CAGE1: variants seen among roughly 807,000 people sequenced by gnomAD.
The protein encoded by CAGE1 is cancer antigen 1, also known as cancer-associated gene 1 protein.
CAGE1 carries 66 observed loss-of-function variants against 94.9 expected under a neutral mutation model. That is an observed-to-expected ratio of 0.70 (90% confidence interval 0.57 to 0.85). The LOEUF (loss-of-function observed/expected upper bound fraction) is 0.85. CAGE1 is among the 40% of genes least tolerant of loss of function. The probability of loss-of-function intolerance (pLI) is 0.00; values close to 1 mark genes in which losing one functional copy is unlikely to be tolerated. For missense variants in CAGE1, 865 were observed against 950.4 expected, an observed-to-expected ratio of 0.91 and a Z score of 1.18; for synonymous variants, 319 against 321.0, an observed-to-expected ratio of 0.99 and a Z score of 0.07.
intron 9 of CAGE1, among the ~76,000 whole-genome samples, chr6:7,358,400 T>C (rs933981932): frequency 1.3e-5 from 2 of 152,150 alleles, no homozygotes; most frequent in Non-Finnish European, 2.9e-5. Context: ...AGTATTTTCA[T>C]TGAATGAATA....
chr6:7,375,465 A>G (rs1760706688), intron 4 of CAGE1, among the ~76,000 whole-genome samples: 2 of 152,162 alleles, frequency 1.3e-5, no homozygotes, highest in South Asian at 4.1e-4. Context: ...GGCCAGGCAC[A>G]GTGGCTCATA....
chr6:7,377,870 G>C (rs1054414279), intron 4 of CAGE1, among the ~76,000 whole-genome samples: 4 of 151,832 alleles, frequency 2.6e-5, no homozygotes, highest in African/African-American at 9.7e-5. Flanking sequence ...ATATACTGTC[G>C]GTATCTTCAG....
At chr6:7,358,052 A>T (rs1478447310) in intron 9 of CAGE1, among the ~76,000 whole-genome samples, 10 of 121,932 alleles carry the variant, frequency 8.2e-5, no homozygotes, top group African/African-American at 3.3e-4. Context: ...ATATATATAT[A>T]TATATATATA....
At chr6:7,345,507 A>C (rs1261705963) in intron 11 of CAGE1, among the ~76,000 whole-genome samples, 3 of 152,198 alleles carry the variant, frequency 2.0e-5, no homozygotes, top group Non-Finnish European at 4.4e-5. Flanking sequence ...TATTTCAGCA[A>C]GATCACTCTG....
At chr6:7,355,920 CT>C (rs1759938008) in intron 10 of CAGE1, 104 bp downstream of exon 10, 1 of 639,244 alleles carries the variant, frequency 1.6e-6, no homozygotes, top group Non-Finnish European at 2.7e-6. Context: ...AGGAGGCTTG[CT>C]TGAGCCCAGG....
rs370668038 is a variant in CAGE1 at position 7,356,011 on chromosome 6, A to G, written c.2298+14T>C. ...GATCTTGTCTCAAAATACAAAAGAA[A>G]AAAAAATGTCTACCTTCTTTATTAA... On this transcript the variant is annotated intron_variant, in intron 10 of 13. Coordinates refer to ENST00000502583, the MANE Select transcript of CAGE1 (RefSeq NM_001170692.2). 1.5e-4 allele frequency: 222 copies of G among 1,444,868 alleles called. 1 individual carries two copies. The African/African-American group carries it at 2.9e-3, about 19-fold the overall frequency. The allele number at this position is 1,444,868 out of a possible 1,614,324, so 89.5% of individuals were successfully genotyped here.
At chr6:7,373,006 T>C in intron 5 of CAGE1, 67 bp downstream of exon 5, 1 of 1,101,948 alleles carries the variant, frequency 9.1e-7, no homozygotes, top group Non-Finnish European at 1.3e-6. Context: ...CACGTCTAAA[T>C]ACGCATCACT....
chr6:7,369,528 C>T lies in CAGE1; in HGVS notation c.1893+391G>A, dbSNP rs77291299. ...TACACAACTCTACACTGCCCTTCCC[C>T]GACTCCTAACCAAACGTGGTATTTT... On this transcript the variant is annotated intron_variant, in intron 6 of 13. Transcript: ENST00000502583. Among the ~76,000 whole-genome samples, 20 of 152,316 alleles carry T rather than the reference C, an allele frequency of 1.3e-4. No homozygotes were observed. In the East Asian group the frequency reaches 3.1e-3, roughly 24 times the overall value.
chr6:7,369,347 C>T (rs1265802712), intron 6 of CAGE1, among the ~76,000 whole-genome samples: 1 of 150,968 alleles, frequency 6.6e-6, no homozygotes, highest in Middle Eastern at 3.2e-3. Context: ...AAATGCAGTG[C>T]TTATAAGCTC....
chr6:7,377,797 T>A (rs989166051), intron 4 of CAGE1, among the ~76,000 whole-genome samples: 1 of 152,166 alleles, frequency 6.6e-6, no homozygotes, highest in Admixed American at 6.6e-5. Flanking sequence ...TCTTGAATTT[T>A]ATCTATTTTC....
chr6:7,389,342 C>T lies in CAGE1; in HGVS notation c.-164G>A, dbSNP rs1419300239. ...GGACCTGGCTCTCCCTCCCTCTGCA[C>T]CGGGTTTTGTGGGAGGGAGAACGCT... On this transcript the variant is annotated 5_prime_UTR_variant, in exon 1 of 14. The change creates a new upstream start codon in the 5' untranslated region. Coordinates refer to ENST00000502583, the MANE Select transcript of CAGE1 (RefSeq NM_001170692.2). 3 of 456,166 alleles carry T rather than the reference C, an allele frequency of 6.6e-6. No homozygotes were observed. Among genetic ancestry groups the T allele is most frequent in the Non-Finnish European group, 1.3e-5 (3 of 226,962 alleles). 28.3% of individuals were successfully genotyped at this position (456,166 alleles called of 1,614,324 possible).
intron 12 of CAGE1, among the ~76,000 whole-genome samples, chr6:7,331,917 C>T (rs1758767853): frequency 6.6e-6 from 1 of 152,182 alleles, no homozygotes; most frequent in Admixed American, 6.5e-5. Flanking sequence ...AAGCTTTTTG[C>T]ACTCAGAGAA....
At chr6:7,333,096 G>A (rs1758812394) in intron 12 of CAGE1, among the ~76,000 whole-genome samples, 1 of 151,910 alleles carries the variant, frequency 6.6e-6, no homozygotes. Flanking sequence ...GATTACAGGT[G>A]CCCACCACCA....
intron 12 of CAGE1, among the ~76,000 whole-genome samples, chr6:7,330,817 C>T (rs530186828): frequency 1.1e-4 from 16 of 152,244 alleles, no homozygotes; most frequent in African/African-American, 3.6e-4. Flanking sequence ...GGCTTCTAGG[C>T]CAGTCTAAAT....
At position 7,374,006 on chromosome 6, in the gene CAGE1, T is replaced by G; in HGVS notation, c.813A>C (p.Ala271=). Residue 271 remains alanine, a synonymous_variant, in exon 5 of 14, where the codon GCA becomes GCC. Coordinates refer to ENST00000502583, the MANE Select transcript of CAGE1 (RefSeq NM_001170692.2). ...ATGCTTCACTCCTCCAGGAAATGCCTGCCGAAGACCAAGTTGAGACAATTT... is the reference window on the plus strand; with the variant it reads ...ATGCTTCACTCCTCCAGGAAATGCCGGCCGAAGACCAAGTTGAGACAATTT... The part of the protein sequence containing the change: ...RPEIVSTWSS[A]GISWRSEACR... 6.2e-7 allele frequency: 1 copy of G among 1,614,060 alleles called. No individual in the cohort carries two copies.
chr6:7,355,184 G>A lies in CAGE1; in HGVS notation c.2299-73C>T. ...ATTTTTTTCTTTTTTATGACTACAA[G>A]TTGAAGCTTAATTATCTGACTATTA... On this transcript the variant is annotated intron_variant, in intron 10 of 13. Transcript: ENST00000502583. 3.0e-6 allele frequency: 3 copies of A among 985,592 alleles called. No homozygotes were observed. In the South Asian group the frequency reaches 5.0e-5, roughly 16 times the overall value. The allele number at this position is 985,592 out of a possible 1,614,324, so 61.1% of individuals were successfully genotyped here. A position where few individuals can be genotyped will look rare whatever the true frequency, so the allele number is the denominator to read the frequency against.
Position 7,373,525 on chromosome 6 carries a change from T to C in CAGE1, c.1294A>G (p.Asn432Asp). 6.2e-7 allele frequency: 1 copy of C among 1,613,756 alleles called. No homozygotes were observed. The highest frequency in any genetic ancestry group is 8.5e-7 in the Non-Finnish European group (1 of 1,179,842). ...ERYMTEMQQK[N>D]KSVSQYLEMD... ...TCTAAATACTGACTTACAGATTTAT[T>C]TTTTTGTTGCATTTCAGTCATGTAC... Residue 432 changes from asparagine to aspartate, a missense_variant, in exon 5 of 14, where the codon AAT becomes GAT. Coordinates refer to ENST00000502583, the MANE Select transcript of CAGE1 (RefSeq NM_001170692.2).
intron 1 of CAGE1, among the ~76,000 whole-genome samples, 163 bp from the exon 2 acceptor site, chr6:7,387,359 G>C (rs561460136): frequency 1.3e-5 from 2 of 152,102 alleles, no homozygotes; most frequent in Non-Finnish European, 2.9e-5. Flanking sequence ...CCGTAATTTG[G>C]TATGGTAGTA....
In CAGE1 at chr6:7,374,018, A is replaced by G; in HGVS notation, c.801T>C (p.Thr267=). Reference sequence around the variant, plus strand: ...TCCAGGAAATGCCTGCCGAAGACCAAGTTGAGACAATTTCTGGCCTCTCCA... The same window carrying G: ...TCCAGGAAATGCCTGCCGAAGACCAGGTTGAGACAATTTCTGGCCTCTCCA... ...EGVERPEIVS[T]WSSAGISWRS... Residue 267 remains threonine, a synonymous_variant, in exon 5 of 14, where the codon ACT becomes ACC. Coordinates refer to ENST00000502583, the MANE Select transcript of CAGE1 (RefSeq NM_001170692.2). 2 of 1,614,048 alleles carry G rather than the reference A, an allele frequency of 1.2e-6. No individual in the cohort carries two copies. The highest frequency in any genetic ancestry group is 1.7e-6 in the Non-Finnish European group (2 of 1,179,890).
Sources: gnomAD v4.1 joint callset for allele counts (sites outside exome capture counted in the v4.1 genomes callset) on GRCh38, gnomAD v4.1.1 for gene constraint, MANE v1.5 for transcripts, NCBI Gene and HGNC (gene_info 2026-07-23, HGNC 2026-07-21) for gene names.